Variants in BICD1 observed in about 807,000 individuals in gnomAD.
BICD1 encodes BICD cargo adaptor 1.
Under a neutral mutation model 92.5 loss-of-function variants are expected in BICD1, and 35 were observed. The observed-to-expected ratio is 0.38, with a 90% CI of 0.29 to 0.50. BICD1 has a LOEUF of 0.50. Ranked by LOEUF, BICD1 falls within the 20% of genes least tolerant of loss-of-function variation. BICD1 has a pLI of 0.93. For missense variants in BICD1, 950 were observed against 1,189.8 expected, an observed-to-expected ratio of 0.80 and a Z score of 2.97; for synonymous variants, 429 against 465.1, an observed-to-expected ratio of 0.92 and a Z score of 1.00.
At chr12:32,215,175 G>C (rs1945316694) in intron 1 of BICD1, among the ~76,000 whole-genome samples, 1 of 151,900 alleles carries the variant, frequency 6.6e-6, no homozygotes, top group Non-Finnish European at 1.5e-5. Context: ...GTTGCAGTGA[G>C]CCGAGATCAT....
chr12:32,364,344 C>A (rs950880102), intron 8 of BICD1, among the ~76,000 whole-genome samples: 1 of 152,172 alleles, frequency 6.6e-6, no homozygotes, highest in Non-Finnish European at 1.5e-5. Context: ...AGATCCTAGA[C>A]GGAGCAGGGG....
chr12:32,133,729 CTTT>C (rs1232911124), intron 1 of BICD1, among the ~76,000 whole-genome samples: 2 of 150,658 alleles, frequency 1.3e-5, no homozygotes, highest in Non-Finnish European at 2.9e-5. Context: ...GCCATGGATA[CTTT>C]TTAACATTCT....
chr12:32,158,106 CTT>C (rs35906528), intron 1 of BICD1, among the ~76,000 whole-genome samples: 10 of 125,700 alleles, frequency 8.0e-5, no homozygotes, highest in Admixed American at 8.4e-5. Context: ...TTTTTTTTTT[CTT>C]TTTTTTTTTT....
intron 2 of BICD1, among the ~76,000 whole-genome samples, chr12:32,247,681 C>G (rs1946423905): frequency 6.6e-6 from 1 of 152,092 alleles, no homozygotes. Flanking sequence ...GTAGTCCCAG[C>G]TACTCAGGAG....
intron 9 of BICD1, among the ~76,000 whole-genome samples, chr12:32,373,576 C>CA (rs1423396624): frequency 6.6e-6 from 1 of 151,994 alleles, no homozygotes; most frequent in Non-Finnish European, 1.5e-5. Context: ...CTTCCTTTAT[C>CA]AAAAAGAGTA....
At chr12:32,271,923 G>C (rs1171828060) in intron 2 of BICD1, among the ~76,000 whole-genome samples, 1 of 152,038 alleles carries the variant, frequency 6.6e-6, no homozygotes, top group African/African-American at 2.4e-5. Context: ...CATACTTAAG[G>C]GTTCCTGGGT....
intron 2 of BICD1, among the ~76,000 whole-genome samples, chr12:32,248,884 C>G (rs1435183636): frequency 6.6e-6 from 1 of 152,224 alleles, no homozygotes; most frequent in African/African-American, 2.4e-5. Context: ...CCTGGCGGCT[C>G]CACCCCATCC....
At chr12:32,202,244 C>T (rs188952934) in intron 1 of BICD1, among the ~76,000 whole-genome samples, 44 of 152,270 alleles carry the variant, frequency 2.9e-4, no homozygotes, top group Admixed American at 1.4e-3. Context: ...AAGATCAGAT[C>T]CTAGTTTGAG....
chr12:32,302,266 C>G (rs2136211513), intron 3 of BICD1, among the ~76,000 whole-genome samples: 1 of 152,274 alleles, frequency 6.6e-6, no homozygotes, highest in Middle Eastern at 3.4e-3. Context: ...TATTGGCAAT[C>G]AATTCCAAAA....
chr12:32,238,944 C>CAAAA (rs111403291), intron 2 of BICD1, among the ~76,000 whole-genome samples: 2,961 of 70,390 alleles, frequency 0.042, 67 homozygotes, highest in East Asian at 0.17. Context: ...AACTCTGTCT[C>CAAAA]AAAAAAAAAA....
At chr12:32,185,024 A>G (rs1184410223) in intron 1 of BICD1, among the ~76,000 whole-genome samples, 1 of 152,188 alleles carries the variant, frequency 6.6e-6, no homozygotes, top group Non-Finnish European at 1.5e-5. Flanking sequence ...CAATAGTACC[A>G]GAAACCATGG....
At chr12:32,215,560 T>G (rs1945330653) in intron 1 of BICD1, among the ~76,000 whole-genome samples, 1 of 152,150 alleles carries the variant, frequency 6.6e-6, no homozygotes, top group Non-Finnish European at 1.5e-5. Flanking sequence ...TTCTTTTTTG[T>G]AAAATATTTG....
chr12:32,375,372 T>C (rs980238404), intron 9 of BICD1, among the ~76,000 whole-genome samples: 5 of 151,994 alleles, frequency 3.3e-5, no homozygotes, highest in African/African-American at 1.2e-4. Context: ...CTACTAAAAA[T>C]ACAAAAAATT....
Position 32,327,484 on chromosome 12 carries a change from T to A in BICD1, c.1029T>A (p.Leu343=). ...AGGTAGAGCGGGAAAAGGCCATTCTTTTGGCCAACCTACAGGAGTCACAGA... is the reference window on the plus strand; with the variant it reads ...AGGTAGAGCGGGAAAAGGCCATTCTATTGGCCAACCTACAGGAGTCACAGA... ...LMQVEREKAI[L]LANLQESQTQ... The change falls in exon 5 of 10, where the codon CTT becomes CTA. Residue 343 remains leucine, a synonymous_variant. Coordinates refer to ENST00000652176, the MANE Select transcript of BICD1 (RefSeq NM_001714.4). 6.2e-7 allele frequency: 1 copy of A among 1,602,692 alleles called. No individual in the cohort carries two copies. Among genetic ancestry groups the A allele is most frequent in the Non-Finnish European group, 8.5e-7 (1 of 1,172,920 alleles).
chr12:32,376,719 T>C (rs530774886), intron 9 of BICD1, among the ~76,000 whole-genome samples: 41 of 151,416 alleles, frequency 2.7e-4, no homozygotes, highest in Admixed American at 1.1e-3. Flanking sequence ...AATACAAAAA[T>C]TGGCAGGGCA....
intron 2 of BICD1, among the ~76,000 whole-genome samples, chr12:32,266,523 G>A (rs188024592): frequency 2.0e-5 from 3 of 152,084 alleles, no homozygotes; most frequent in East Asian, 1.9e-4. Context: ...ATCTTAAACC[G>A]CATCATCTAA....
intron 2 of BICD1, among the ~76,000 whole-genome samples, chr12:32,243,241 GC>G (rs1015282085): frequency 7.0e-6 from 1 of 141,936 alleles, no homozygotes; most frequent in Non-Finnish European, 1.5e-5. Context: ...AGGATTACAG[GC>G]ACGCCCCACC....
At position 32,305,746 on chromosome 12, in the gene BICD1, C is replaced by G. The variant is rs367637446; in HGVS notation, c.629C>G (p.Thr210Arg). Residue 210 changes from threonine (T) to arginine (R), a missense_variant, in exon 4 of 10, where the codon ACG (threonine) becomes AGG (arginine). Physicochemically the swap from Thr to Arg is moderately conservative, Grantham distance 71. Coordinates refer to ENST00000652176, the MANE Select transcript of BICD1 (RefSeq NM_001714.4). The part of the protein sequence containing the change: ...KHEIKRFEEE[T>R]VLLNSQLEDA... Reference sequence around the variant, plus strand: ...GAGATTAAGCGATTTGAGGAGGAGACGGTACTGCTGAACAGCCAGCTGGAA... The same window carrying G: ...GAGATTAAGCGATTTGAGGAGGAGAGGGTACTGCTGAACAGCCAGCTGGAA... 1 of 1,613,870 alleles carries G rather than the reference C, an allele frequency of 6.2e-7. No individual in the cohort carries two copies. Among genetic ancestry groups the G allele is most frequent in the African/African-American group, 1.3e-5 (1 of 74,860 alleles).
intron 5 of BICD1, among the ~76,000 whole-genome samples, chr12:32,329,958 A>G (rs746175680): frequency 3.0e-4 from 46 of 152,218 alleles, no homozygotes; most frequent in Non-Finnish European, 5.9e-4. Flanking sequence ...GAGAAGCAAC[A>G]AAGCACCAAA....
Sources: gnomAD v4.1 joint callset for allele counts (sites outside exome capture counted in the v4.1 genomes callset) on GRCh38, gnomAD v4.1.1 for gene constraint, MANE v1.5 for transcripts, NCBI Gene and HGNC (gene_info 2026-07-23, HGNC 2026-07-21) for gene names.